The following MGST1 variants were observed in gnomAD, a reference collection of about 807,000 sequenced individuals.
The protein encoded by MGST1 is microsomal glutathione S-transferase 1, also known as glutathione S-transferase 12.
A neutral mutation model predicts 8.9 loss-of-function variants in MGST1; 5 were observed. The observed-to-expected ratio is 0.56, with a 90% CI of 0.29 to 1.19. The LOEUF is 1.19. Ranked by LOEUF, MGST1 falls within the 50% of genes most tolerant of loss-of-function variation. The probability of loss-of-function intolerance (pLI) is 0.08; values close to 1 mark genes in which losing one functional copy is unlikely to be tolerated. For missense variants in MGST1, 182 were observed against 187.4 expected (o/e 0.97, Z 0.17); for synonymous variants, 54 against 67.8 (o/e 0.80, Z 1.00).
At chr12:16,426,859 C>T (rs1023969402) in intron 1 of MGST1, among the ~76,000 whole-genome samples, 1 of 151,178 alleles carries the variant, frequency 6.6e-6, no homozygotes, top group African/African-American at 2.4e-5. Flanking sequence ...GTAGTCCCAG[C>T]TACTTGGGAG....
At chr12:16,495,923 T>C (rs1941467506) in intron 4 of MGST1, among the ~76,000 whole-genome samples, 1 of 152,150 alleles carries the variant, frequency 6.6e-6, no homozygotes, top group East Asian at 1.9e-4. Context: ...GAGCTCTTGA[T>C]TAATTATAGT....
chr12:16,580,445 C>T (rs149640287), intron 4 of MGST1, among the ~76,000 whole-genome samples: 34 of 152,270 alleles, frequency 2.2e-4, no homozygotes, highest in African/African-American at 8.2e-4. Context: ...TGACAATGTT[C>T]AAGATTAAGA....
At chr12:16,373,017 A>G (rs1253054740) in intron 3 of MGST1, among the ~76,000 whole-genome samples, 1 of 130,298 alleles carries the variant, frequency 7.7e-6, no homozygotes, top group Non-Finnish European at 1.7e-5. Flanking sequence ...ATTATCATAT[A>G]CTATACATAC....
At chr12:16,368,584 G>C (rs767846207), downstream of MGST1, among the ~76,000 whole-genome samples, 27 of 152,124 alleles carry the variant, frequency 1.8e-4, no homozygotes, top group Admixed American at 3.3e-4. Context: ...TATGTAAACT[G>C]TTGGATTTGA....
chr12:16,376,425 C>G, exon 4 of MGST1: 1 of 269,106 alleles, frequency 3.7e-6, no homozygotes, highest in East Asian at 6.7e-5. Context: ...ATTTTGAATA[C>G]AAATTTAAAG....
intron 4 of MGST1, among the ~76,000 whole-genome samples, chr12:16,562,562 A>G (rs887694487): frequency 6.6e-6 from 1 of 152,172 alleles, no homozygotes; most frequent in African/African-American, 2.4e-5. Context: ...TCATCAGCCT[A>G]TTACTAGGCA....
At chr12:16,412,062 CTG>C (rs1940746618) in intron 1 of MGST1, among the ~76,000 whole-genome samples, 1 of 152,118 alleles carries the variant, frequency 6.6e-6, no homozygotes, top group Non-Finnish European at 1.5e-5. Flanking sequence ...TTATTACTGC[CTG>C]TGATATATAT....
rs1486244248 is a variant in MGST1 at position 16,513,073 on chromosome 12, C to T, written n.483-76455C>T. ...TAAAGATTAAAATTCTGCATATCTGCTTCTCTAGTTATCATTATCAAACAA... is the reference window on the plus strand; with the variant it reads ...TAAAGATTAAAATTCTGCATATCTGTTTCTCTAGTTATCATTATCAAACAA... On this transcript the variant is annotated intron_variant and non_coding_transcript_variant, in intron 4 of 4. Coordinates refer to the MGST1 transcript ENST00000538857. This position sits in a 1 kb window ranked among gnomAD's most constrained non-coding sequence, Gnocchi z 4.2. 2.0e-5 allele frequency among the ~76,000 whole-genome samples: 3 copies of T among 152,158 alleles called. No individual in the cohort carries two copies. Among genetic ancestry groups the T allele is most frequent in the Non-Finnish European group, 4.4e-5 (3 of 68,020 alleles).
At chr12:16,412,124 A>G (rs1052688594) in intron 1 of MGST1, among the ~76,000 whole-genome samples, 1 of 152,174 alleles carries the variant, frequency 6.6e-6, no homozygotes, top group Admixed American at 6.5e-5. Context: ...CATTGAGGCT[A>G]TATTATTTCT....
chr12:16,574,291 GC>G (rs1349989506), intron 4 of MGST1, among the ~76,000 whole-genome samples: 1 of 152,128 alleles, frequency 6.6e-6, no homozygotes, highest in East Asian at 1.9e-4. Flanking sequence ...AAATGAAGTT[GC>G]AGATGCAGGA....
In MGST1 at chr12:16,513,738, A is replaced by T; in HGVS notation, n.483-75790A>T. 1 of 571,936 alleles carries T rather than the reference A, an allele frequency of 1.7e-6. No homozygotes were observed. Among genetic ancestry groups the T allele is most frequent in the South Asian group, 1.4e-5 (1 of 71,316 alleles). 35.4% of individuals were successfully genotyped at this position (571,936 alleles called of 1,614,324 possible). A position where few individuals can be genotyped will look rare whatever the true frequency, so the allele number is the denominator to read the frequency against. ...AAGTAGCCTTGGGCGAGAATAGCGA[A>T]GTCTCGAAAAGTGGCCGGTTTGTCA... On this transcript the variant is annotated intron_variant and non_coding_transcript_variant, in intron 4 of 4. Coordinates refer to the MGST1 transcript ENST00000538857. This position sits in a 1 kb window ranked among gnomAD's most constrained non-coding sequence, Gnocchi z 4.2.
intron 1 of MGST1, among the ~76,000 whole-genome samples, chr12:16,397,644 A>G (rs1940616538): frequency 6.6e-6 from 1 of 152,082 alleles, no homozygotes; most frequent in African/African-American, 2.4e-5. Flanking sequence ...ACAATTCTCA[A>G]TAAAAGATAC....
At chr12:16,511,915 G>A (rs1941579673) in intron 4 of MGST1, among the ~76,000 whole-genome samples, 1 of 152,144 alleles carries the variant, frequency 6.6e-6, no homozygotes, top group African/African-American at 2.4e-5. Flanking sequence ...TATACCCTAT[G>A]AACTGCAGCC....
At chr12:16,368,152 A>T (rs1422429079), downstream of MGST1, among the ~76,000 whole-genome samples, 1 of 152,128 alleles carries the variant, frequency 6.6e-6, no homozygotes, top group Non-Finnish European at 1.5e-5. Flanking sequence ...CCGATCTAAC[A>T]TTCAATGATT....
At chr12:16,566,803 T>C (rs1341092177) in intron 4 of MGST1, among the ~76,000 whole-genome samples, 1 of 152,140 alleles carries the variant, frequency 6.6e-6, no homozygotes, top group Non-Finnish European at 1.5e-5. Context: ...ATTCATTCTC[T>C]CTCCAAACAT....
chr12:16,479,350 T>C (rs2137142715), intron 4 of MGST1, among the ~76,000 whole-genome samples: 1 of 149,016 alleles, frequency 6.7e-6, no homozygotes, highest in Admixed American at 6.7e-5. Context: ...TTCTCCTGCC[T>C]CAGCCTCCCG....
Position 16,503,114 on chromosome 12 carries a change from G to A in MGST1, n.483-86414G>A, listed in dbSNP as rs1415304132. 2.6e-5 allele frequency among the ~76,000 whole-genome samples: 4 copies of A among 152,238 alleles called. No individual in the cohort carries two copies. Among genetic ancestry groups the A allele is most frequent in the South Asian group, 4.2e-4 (2 of 4,818 alleles). ...GCGGATGGTGTTAAGAATGAAGAAG[G>A]AAAGGAAAGAAGTTAAAATAGAAGT... On this transcript the variant is annotated intron_variant and non_coding_transcript_variant, in intron 4 of 4. Coordinates refer to the MGST1 transcript ENST00000538857. This position sits in a 1 kb window ranked among gnomAD's most constrained non-coding sequence, Gnocchi z 4.8.
intron 4 of MGST1, among the ~76,000 whole-genome samples, chr12:16,540,115 A>G (rs1421089172): frequency 6.6e-6 from 1 of 152,148 alleles, no homozygotes; most frequent in Non-Finnish European, 1.5e-5. Context: ...CAGATTATCC[A>G]TTCCAGACTT....
chr12:16,477,223 A>G lies in MGST1; in HGVS notation n.482+93619A>G, dbSNP rs78977557. ...ATCCTGCTGTTTTGGTAAAATCAGT[A>G]AAAATGTCTTCCTGATTTTTTTCTG... is the stretch of plus-strand genomic sequence containing the variant. On this transcript the variant is annotated intron_variant and non_coding_transcript_variant, in intron 4 of 4. Coordinates refer to the MGST1 transcript ENST00000538857. 7.3e-3 allele frequency among the ~76,000 whole-genome samples: 1,112 copies of G among 152,302 alleles called. 18 individuals are homozygous for G. Among genetic ancestry groups the G allele is most frequent in the African/African-American group, 0.025 (1,036 of 41,570 alleles).
Sources: gnomAD v4.1 joint callset for allele counts (sites outside exome capture counted in the v4.1 genomes callset) on GRCh38, gnomAD v4.1.1 for gene constraint, Gnocchi (gnomAD v3.1) non-coding constraint, MANE v1.5 for transcripts, NCBI Gene and HGNC (gene_info 2026-07-23, HGNC 2026-07-21) for gene names.